EMILIN2: variants seen among roughly 807,000 people sequenced by gnomAD.
The protein encoded by EMILIN2 is elastin microfibril interfacer 2.
In EMILIN2, 71 loss-of-function variants were observed where a neutral mutation model predicts 87.1. That is an observed-to-expected ratio of 0.82 (90% CI 0.67 to 0.99). The LOEUF is 0.99. Among genes scored for constraint, EMILIN2 ranks in the 50% least tolerant of loss-of-function variants. The pLI is 0.00. For synonymous variants in EMILIN2, 581 were observed against 563.4 expected, an observed-to-expected ratio of 1.03 and a Z score of -0.44; for missense variants, 1,407 against 1,371.8, an observed-to-expected ratio of 1.03 and a Z score of -0.40.
chr18:2,867,169 G>A (rs993450638), intron 2 of EMILIN2, among the ~76,000 whole-genome samples: 3 of 152,104 alleles, frequency 2.0e-5, no homozygotes, highest in African/African-American at 7.2e-5. Context: ...TTTTTGTTAG[G>A]TCGTTTCCTG....
intron 3 of EMILIN2, among the ~76,000 whole-genome samples, chr18:2,885,850 A>G (rs1032224363): frequency 6.6e-6 from 1 of 152,232 alleles, no homozygotes; most frequent in African/African-American, 2.4e-5. Flanking sequence ...AGTCACAATA[A>G]ATGCAGCCTA....
In EMILIN2 at chr18:2,913,061, C is replaced by G; in HGVS notation, c.2825-6C>G. The G allele has an allele frequency of 6.2e-7, 1 of 1,607,100 alleles. No homozygotes were observed. The highest frequency in any genetic ancestry group is 1.1e-5 in the South Asian group (1 of 91,076). On this transcript the variant is annotated splice_polypyrimidine_tract_variant and splice_region_variant and intron_variant, in intron 7 of 7. Coordinates refer to ENST00000254528, the MANE Select transcript of EMILIN2 (RefSeq NM_032048.3). ...GTGAGCACAGGGTTTGCCTTTCTCC[C>G]CGCAGGGGTCTTCACGGCTCCTTAT...
chr18:2,909,873 G>A, intron 7 of EMILIN2, 54 bp downstream of exon 7: 1 of 1,587,674 alleles, frequency 6.3e-7, no homozygotes. Context: ...CAACGCAGGT[G>A]GGACCCCTCC....
rs1478967083 is a variant in EMILIN2 at position 2,847,907 on chromosome 18, A to G, written c.233A>G (p.Gln78Arg). The change falls in exon 2 of 8, where the codon CAG becomes CGG. Residue 78 changes from glutamine to arginine, a missense_variant. Gln to Arg is a conservative substitution (Grantham distance 43). Coordinates refer to ENST00000254528, the MANE Select transcript of EMILIN2 (RefSeq NM_032048.3). This position sits in a 1 kb window ranked among gnomAD's most constrained non-coding sequence, Gnocchi z 4.5. ...IQAQYNCAWNQMPCPSALVYR... is the reference protein window; with the variant it reads ...IQAQYNCAWNRMPCPSALVYR... Reference sequence around the variant, plus strand: ...GCTCAGTACAACTGTGCCTGGAACCAGATGCCCTGTCCGTCGGCGCTGGTG... The same window carrying G: ...GCTCAGTACAACTGTGCCTGGAACCGGATGCCCTGTCCGTCGGCGCTGGTG... 6.2e-7 allele frequency: 1 copy of G among 1,611,236 alleles called. No individual in the cohort carries two copies. The highest frequency in any genetic ancestry group is 8.5e-7 in the Non-Finnish European group (1 of 1,178,856).
chr18:2,880,468 C>T lies in EMILIN2; in HGVS notation c.258-4496C>T, dbSNP rs377352173. Among the ~76,000 whole-genome samples, 7 of 152,290 alleles carry T rather than the reference C, an allele frequency of 4.6e-5. No homozygotes were observed. The highest frequency in any genetic ancestry group is 1.7e-4 in the African/African-American group (7 of 41,548). On this transcript the variant is annotated intron_variant, in intron 2 of 7. Coordinates refer to ENST00000254528, the MANE Select transcript of EMILIN2 (RefSeq NM_032048.3). The surrounding 1 kb of genome is among the most constrained non-coding windows in gnomAD (Gnocchi z 4.1). ...AGGGGCGAGGCGGCAGGGCGACAGG[C>T]CCAGGGTTACAGCCCCAAGGGCCGC...
intron 4 of EMILIN2, among the ~76,000 whole-genome samples, chr18:2,900,256 T>C (rs1005141714): frequency 2.0e-5 from 3 of 152,210 alleles, no homozygotes; most frequent in Admixed American, 1.3e-4. Context: ...GGTGTGATTA[T>C]ATCTCACTAC....
chr18:2,847,211 GGCCCCGCGTGCCCT>G lies in EMILIN2; in HGVS notation c.25_38del (p.Pro9AlafsTer52). The G allele has an allele frequency of 8.1e-7, 1 of 1,236,604 alleles. No individual in the cohort carries two copies. The highest frequency in any genetic ancestry group is 1.0e-6 in the Non-Finnish European group (1 of 989,904). 76.6% of individuals were successfully genotyped at this position (1,236,604 alleles called of 1,614,324 possible). On this transcript the variant is annotated frameshift_variant, in exon 1 of 8. Transcript: ENST00000254528. LOFTEE classifies it high-confidence loss of function. This position sits in a 1 kb window ranked among gnomAD's most constrained non-coding sequence, Gnocchi z 4.5. ...GGGATGTGGCAGCCCAGACGGCCCT[GGCCCCGCGTGCCCT>G]GGCGCTGGGCGCTGGCGCTGCTGGC...
intron 2 of EMILIN2, among the ~76,000 whole-genome samples, chr18:2,868,057 T>C (rs1415630252): frequency 1.4e-3 from 215 of 151,338 alleles, no homozygotes; most frequent in Non-Finnish European, 2.7e-3. Context: ...GGGTGGCTGC[T>C]GGACGGGGCT....
intron 2 of EMILIN2, among the ~76,000 whole-genome samples, chr18:2,865,877 C>G (rs962987309): frequency 6.6e-6 from 1 of 152,226 alleles, no homozygotes; most frequent in Non-Finnish European, 1.5e-5. Context: ...GCTTCCCAGA[C>G]GCTTTGTTTA....
At chr18:2,851,780 C>G (rs994810419) in intron 2 of EMILIN2, among the ~76,000 whole-genome samples, 1 of 152,216 alleles carries the variant, frequency 6.6e-6, no homozygotes, top group Non-Finnish European at 1.5e-5. Context: ...TAAGTAATCA[C>G]TTTTCTGATA....
intron 2 of EMILIN2, among the ~76,000 whole-genome samples, chr18:2,853,457 A>C (rs114776583): frequency 0.015 from 2,296 of 152,170 alleles, 58 homozygotes; most frequent in African/African-American, 0.052. Context: ...GAGACATGGA[A>C]TCGGAGTGAC....
Position 2,847,420 on chromosome 18 carries a change from C to T in EMILIN2, c.134+98C>T. On this transcript the variant is annotated intron_variant, in intron 1 of 7. Coordinates refer to ENST00000254528, the MANE Select transcript of EMILIN2 (RefSeq NM_032048.3). This position sits in a 1 kb window ranked among gnomAD's most constrained non-coding sequence, Gnocchi z 4.5. ...CCTGCCAAAGACGACGAGCGGCAGC[C>T]GGGGGCCTCCCTTGGACTTCCCCGG... The T allele has an allele frequency of 1.7e-6, 2 of 1,159,640 alleles. No individual in the cohort carries two copies. The highest frequency in any genetic ancestry group is 1.1e-6 in the Non-Finnish European group (1 of 928,504). The allele number at this position is 1,159,640 out of a possible 1,614,324, so 71.8% of individuals were successfully genotyped here.
intron 2 of EMILIN2, among the ~76,000 whole-genome samples, chr18:2,883,501 AAGGCAGGAAATCACAATT>A: frequency 6.6e-6 from 1 of 152,322 alleles, no homozygotes; most frequent in South Asian, 2.1e-4. Flanking sequence ...GATGATTTGC[AAGGCAGGAAATCACAATT>A]GGGCTGAAGT....
At position 2,847,507 on chromosome 18, in the gene EMILIN2, G is replaced by T. The variant is rs2076581266; in HGVS notation, c.134+185G>T. Among the ~76,000 whole-genome samples the T allele has an allele frequency of 6.6e-6, 1 of 152,192 alleles. No homozygotes were observed. Among genetic ancestry groups the T allele is most frequent in the African/African-American group, 2.4e-5 (1 of 41,456 alleles). ...CGGCGCCTCAGGCAGAGCTGACTCC[G>T]GGGGCGTGGGCGCAGAGAGCGTCCC... is the stretch of plus-strand genomic sequence containing the variant. On this transcript the variant is annotated intron_variant, in intron 1 of 7. Transcript: ENST00000254528. This position sits in a 1 kb window ranked among gnomAD's most constrained non-coding sequence, Gnocchi z 4.5.
In EMILIN2 at chr18:2,847,312, G is replaced by A; in HGVS notation, c.124G>A (p.Ala42Thr). The A allele has an allele frequency of 2.3e-6, 3 of 1,317,106 alleles. No individual in the cohort carries two copies. Among genetic ancestry groups the A allele is most frequent in the Middle Eastern group, 2.9e-4 (1 of 3,442 alleles). The allele number at this position is 1,317,106 out of a possible 1,614,324, so 81.6% of individuals were successfully genotyped here. A position where few individuals can be genotyped will look rare whatever the true frequency, so the allele number is the denominator to read the frequency against. ...GCCCGGGTATCCCGCGCGGCCCAGC[G>A]CCAGGAACAAGTAAGTGCGCGCCCC... ...PQPGYPARPS[A>T]RNKNWCAYIV... is the part of the protein sequence containing the mutation. Residue 42 changes from alanine (A) to threonine (T), a missense_variant, in exon 1 of 8, where the codon GCC becomes ACC. Ala to Thr is a moderately conservative substitution (Grantham distance 58, BLOSUM62 0). Transcript: ENST00000254528. The surrounding 1 kb of genome is among the most constrained non-coding windows in gnomAD (Gnocchi z 4.5).
chr18:2,887,555 C>T (rs981926654), intron 3 of EMILIN2, among the ~76,000 whole-genome samples: 8 of 151,964 alleles, frequency 5.3e-5, no homozygotes, highest in African/African-American at 1.9e-4. Flanking sequence ...CCCTCTTGCT[C>T]CCTCTCGCTC....
At chr18:2,846,240 G>A (rs2076572659), upstream of EMILIN2, among the ~76,000 whole-genome samples, 1 of 152,218 alleles carries the variant, frequency 6.6e-6, no homozygotes, top group Non-Finnish European at 1.5e-5. This position sits in a 1 kb window ranked among gnomAD's most constrained non-coding sequence, Gnocchi z 5.3. Flanking sequence ...AGTTTAAGAC[G>A]GATGTCTAGC....
At chr18:2,869,504 T>C (rs2076708221) in intron 2 of EMILIN2, among the ~76,000 whole-genome samples, 1 of 152,240 alleles carries the variant, frequency 6.6e-6, no homozygotes, top group African/African-American at 2.4e-5. Flanking sequence ...AAGTTTTATG[T>C]AAATAGAGTC....
At chr18:2,905,296 G>T (rs1339567424) in intron 4 of EMILIN2, among the ~76,000 whole-genome samples, 2 of 82,864 alleles carry the variant, frequency 2.4e-5, no homozygotes, top group African/African-American at 3.9e-5. Context: ...CTCTGTGGGT[G>T]GGGCGGGGGG....
Sources: gnomAD v4.1 joint callset for allele counts (sites outside exome capture counted in the v4.1 genomes callset) on GRCh38, gnomAD v4.1.1 for gene constraint, Gnocchi (gnomAD v3.1) non-coding constraint, MANE v1.5 for transcripts, NCBI Gene and HGNC (gene_info 2026-07-23, HGNC 2026-07-21) for gene names.